Variants in MAP3K5 observed in about 807,000 individuals in gnomAD.
The protein encoded by MAP3K5 is mitogen-activated protein kinase kinase kinase 5, also known as ASK-1.
MAP3K5 carries 56 observed loss-of-function variants against 158.7 expected under a neutral mutation model. The ratio of observed to expected loss-of-function variants is 0.35; its 90% CI spans 0.28 to 0.44. The LOEUF (loss-of-function observed/expected upper bound fraction) is 0.44, where lower values mean the gene tolerates loss of function less well. MAP3K5 is among the 20% of genes least tolerant of loss of function. MAP3K5 has a pLI of 1.00. For missense variants in MAP3K5, 1,294 were observed against 1,674.8 expected, an observed-to-expected ratio of 0.77 and a Z score of 3.97; for synonymous variants, 579 against 601.7, an observed-to-expected ratio of 0.96 and a Z score of 0.55.
chr6:136,630,586 T>A (rs1429607903), intron 14 of MAP3K5, among the ~76,000 whole-genome samples: 3 of 152,258 alleles, frequency 2.0e-5, no homozygotes, highest in Admixed American at 2.0e-4. Flanking sequence ...ATCTGCCATT[T>A]ATTTCCTCTC....
chr6:136,675,519 T>G (rs1023113495), intron 7 of MAP3K5, among the ~76,000 whole-genome samples: 2 of 152,108 alleles, frequency 1.3e-5, no homozygotes, highest in Non-Finnish European at 2.9e-5. Context: ...ACTCAGTTCA[T>G]AACCCAAAGG....
chr6:136,686,216 A>C (rs1373690988), intron 7 of MAP3K5, among the ~76,000 whole-genome samples: 2 of 152,222 alleles, frequency 1.3e-5, no homozygotes. Context: ...CAACTCCTGA[A>C]GACTGTCCCA....
intron 3 of MAP3K5, among the ~76,000 whole-genome samples, chr6:136,700,709 A>G (rs1780815234): frequency 6.6e-6 from 1 of 152,220 alleles, no homozygotes; most frequent in Non-Finnish European, 1.5e-5. Flanking sequence ...AGAGCTAGAA[A>G]TATGTGATTG....
intron 1 of MAP3K5, among the ~76,000 whole-genome samples, chr6:136,781,106 A>G (rs1784596201): frequency 6.6e-6 from 1 of 152,210 alleles, no homozygotes; most frequent in South Asian, 2.1e-4. Context: ...AGCACATCTC[A>G]GGGAAACAAG....
At chr6:136,626,067 T>C (rs1446526198) in intron 14 of MAP3K5, among the ~76,000 whole-genome samples, 4 of 152,082 alleles carry the variant, frequency 2.6e-5, no homozygotes, top group Non-Finnish European at 5.9e-5. Context: ...AAAGGGCAAA[T>C]TACCTACAAA....
Position 136,698,641 on chromosome 6 carries a change from A to C in MAP3K5, c.654T>G (p.Thr218=), listed in dbSNP as rs1780711380. The change falls in exon 4 of 30, where the codon ACT becomes ACG. Residue 218 remains threonine, a synonymous_variant. Coordinates refer to ENST00000359015, the MANE Select transcript of MAP3K5 (RefSeq NM_005923.4). ...CACAGCAGTAGACTTTGTTATGTGG[A>C]GTTATCATGTAAGGAACAAAGGTGT... is the stretch of plus-strand genomic sequence containing the variant. ...GNYTFVPYMI[T]PHNKVYCCDS... The C allele has an allele frequency of 6.2e-7, 1 of 1,613,984 alleles. No individual in the cohort carries two copies. The highest frequency in any genetic ancestry group is 1.3e-5 in the African/African-American group (1 of 75,052).
intron 7 of MAP3K5, among the ~76,000 whole-genome samples, chr6:136,681,277 T>TTC (rs761589496): frequency 1.3e-5 from 2 of 152,222 alleles, no homozygotes; most frequent in Non-Finnish European, 2.9e-5. Context: ...AAGCCTTAGT[T>TTC]TCTCTCCTTA....
intron 23 of MAP3K5, among the ~76,000 whole-genome samples, chr6:136,587,319 A>G (rs1392579134): frequency 6.6e-6 from 1 of 152,248 alleles, no homozygotes; most frequent in Non-Finnish European, 1.5e-5. Flanking sequence ...AATTAAAGAT[A>G]TTAGATAACT....
intron 1 of MAP3K5, among the ~76,000 whole-genome samples, chr6:136,764,317 G>A (rs1783874308): frequency 6.6e-6 from 1 of 152,066 alleles, no homozygotes; most frequent in Non-Finnish European, 1.5e-5. Context: ...TGAGAATTTC[G>A]AGATCAAAAC....
At chr6:136,718,049 C>T (rs1781598484) in intron 2 of MAP3K5, among the ~76,000 whole-genome samples, 3 of 152,156 alleles carry the variant, frequency 2.0e-5, no homozygotes, top group South Asian at 4.1e-4. Flanking sequence ...TCAAGGGCAA[C>T]AGGCTTTGGA....
chr6:136,757,186 G>A (rs776081497), intron 1 of MAP3K5, among the ~76,000 whole-genome samples: 6 of 152,188 alleles, frequency 3.9e-5, no homozygotes, highest in Non-Finnish European at 5.9e-5. Flanking sequence ...CAAGAGCCAC[G>A]TGCAATAATC....
At chr6:136,688,689 C>A (rs9494557) in intron 7 of MAP3K5, among the ~76,000 whole-genome samples, 8,636 of 152,100 alleles carry the variant, frequency 0.057, 811 homozygotes, top group African/African-American at 0.2. Flanking sequence ...GAACTTTATG[C>A]GACCTTGAAA....
chr6:136,697,464 C>T, intron 4 of MAP3K5, 77 bp from the exon 5 acceptor site: 2 of 1,221,656 alleles, frequency 1.6e-6, no homozygotes, highest in Non-Finnish European at 2.3e-6. Flanking sequence ...TTAATAAAGA[C>T]ATGAATGATA....
chr6:136,576,100 A>C (rs141374032), intron 25 of MAP3K5, among the ~76,000 whole-genome samples: 6 of 152,178 alleles, frequency 3.9e-5, no homozygotes, highest in African/African-American at 1.2e-4. Flanking sequence ...TCTCGTCCAT[A>C]TATTTATTTA....
In MAP3K5 at chr6:136,684,074, A is replaced by G. The variant is rs554204930; in HGVS notation, c.1253+10066T>C. Among the ~76,000 whole-genome samples the G allele has an allele frequency of 3.3e-5, 5 of 152,226 alleles. No homozygotes were observed. The South Asian group carries it at 1.0e-3, about 32-fold the overall frequency. The stretch of plus-strand genomic sequence containing the variant: ...TAGCGAGATCCCATCTCTACAAAAA[A>G]TAAAAAATGAGCCAGGCATGGCGGC... On this transcript the variant is annotated intron_variant, in intron 7 of 29. Coordinates refer to ENST00000359015, the MANE Select transcript of MAP3K5 (RefSeq NM_005923.4).
At chr6:136,747,551 C>T (rs755343642) in intron 1 of MAP3K5, among the ~76,000 whole-genome samples, 1 of 152,210 alleles carries the variant, frequency 6.6e-6, no homozygotes, top group Non-Finnish European at 1.5e-5. Flanking sequence ...AAGCCTGGTG[C>T]ATGTTTAGCT....
At position 136,651,070 on chromosome 6, in the gene MAP3K5, T is replaced by C; in HGVS notation, c.1702A>G (p.Lys568Glu). Residue 568 changes from lysine (K) to glutamate (E), a missense_variant, in exon 11 of 30, where the codon AAA becomes GAA. Physicochemically the swap from Lys to Glu is moderately conservative, Grantham distance 56. Around this residue, in one of 5 missense-constraint regions of MAP3K5, gnomAD observed 690 missense variants for 870.5 expected, o/e 0.79. Transcript: ENST00000359015. Reference sequence around the variant, plus strand: ...GACAAATAAGAAGGTTGATAGATTTTGGTTGGTTCTAATATTAATACCTTG... The same window carrying C: ...GACAAATAAGAAGGTTGATAGATTTCGGTTGGTTCTAATATTAATACCTTG... ...RFPVLILEPT[K>E]IYQPSYLSIN... is the part of the protein sequence containing the mutation. 6.2e-7 allele frequency: 1 copy of C among 1,605,466 alleles called. No homozygotes were observed.
Position 136,739,121 on chromosome 6 carries a change from G to A in MAP3K5, c.449-18532C>T, listed in dbSNP as rs950297927. On this transcript the variant is annotated intron_variant, in intron 1 of 29. Transcript: ENST00000359015. ...ACAGTACAACAGACAGAACTGATTCGTCAGTGGAGCTCCCCTGACAAAGTA... is the reference window on the plus strand; with the variant it reads ...ACAGTACAACAGACAGAACTGATTCATCAGTGGAGCTCCCCTGACAAAGTA... Among the ~76,000 whole-genome samples the A allele has an allele frequency of 4.6e-5, 7 of 152,260 alleles. No individual in the cohort carries two copies. The South Asian group carries it at 6.2e-4, about 14-fold the overall frequency.
intron 7 of MAP3K5, among the ~76,000 whole-genome samples, chr6:136,689,545 G>A (rs1160850000): frequency 6.6e-6 from 1 of 152,164 alleles, no homozygotes; most frequent in Non-Finnish European, 1.5e-5. Context: ...ATAGTGTTAG[G>A]AGATGGAGCC....
Sources: gnomAD v4.1 joint callset for allele counts (sites outside exome capture counted in the v4.1 genomes callset) on GRCh38, gnomAD v4.1.1 for gene constraint, gnomAD v4.1.1 regional missense constraint, MANE v1.5 for transcripts, NCBI Gene and HGNC (gene_info 2026-07-23, HGNC 2026-07-21) for gene names.